Variants in ZDHHC1 observed in about 807,000 individuals in gnomAD.
ZDHHC1 encodes palmitoyltransferase ZDHHC1.
In ZDHHC1, 45 loss-of-function variants were observed where a neutral mutation model predicts 46.9. That is an observed-to-expected ratio of 0.96 (90% confidence interval 0.76 to 1.23). The LOEUF (loss-of-function observed/expected upper bound fraction) is 1.23, where lower values mean the gene tolerates loss of function less well. Ranked by LOEUF, ZDHHC1 falls within the 50% of genes most tolerant of loss-of-function variation. ZDHHC1 has a pLI of 0.00. For missense variants in ZDHHC1, 649 were observed against 670.8 expected (o/e 0.97, Z 0.36); for synonymous variants, 291 against 286.0 (o/e 1.02, Z -0.18).
At chr16:67,403,760 G>A (rs1199454721) in intron 3 of ZDHHC1, among the ~76,000 whole-genome samples, 4 of 152,086 alleles carry the variant, frequency 2.6e-5, no homozygotes, top group Middle Eastern at 3.2e-3. Context: ...GATTGCAGGC[G>A]TGTGCCACCA....
chr16:67,414,525 C>A (rs186963552), intron 1 of ZDHHC1, among the ~76,000 whole-genome samples: 2 of 152,336 alleles, frequency 1.3e-5, no homozygotes, highest in African/African-American at 4.8e-5. Context: ...ATGATAATAA[C>A]CAACACCAGC....
Position 67,394,645 on chromosome 16 carries a change from T to C in ZDHHC1, c.1414A>G (p.Arg472Gly), listed in dbSNP as rs2040379967. 10 of 1,213,430 alleles carry C rather than the reference T, an allele frequency of 8.2e-6. No individual in the cohort carries two copies. The highest frequency in any genetic ancestry group is 1.0e-5 in the Non-Finnish European group (10 of 977,318). 75.2% of individuals were successfully genotyped at this position (1,213,430 alleles called of 1,614,324 possible). A position where few individuals can be genotyped will look rare whatever the true frequency, so the allele number is the denominator to read the frequency against. The change falls in exon 12 of 12, where the codon AGG becomes GGG. Residue 472 changes from arginine to glycine, a missense_variant. Arg to Gly is a moderately radical substitution (Grantham distance 125, BLOSUM62 -2). Coordinates refer to ENST00000565726, the MANE Select transcript of ZDHHC1 (RefSeq NM_001323627.2). ...VFVSPSSGEP[R>G]APGGREAGLA is the part of the protein sequence containing the mutation. ...CCAGCCTCCCGGCCGCCCGGCGCCCTGGGCTCGCCGCTGCTCGGGCTCACG... is the reference window on the plus strand; with the variant it reads ...CCAGCCTCCCGGCCGCCCGGCGCCCCGGGCTCGCCGCTGCTCGGGCTCACG...
chr16:67,394,704 G>A lies in ZDHHC1; in HGVS notation c.1355C>T (p.Thr452Met), dbSNP rs939722581. 3.3e-5 allele frequency: 44 copies of A among 1,329,716 alleles called. No homozygotes were observed. In the Admixed American group the frequency reaches 8.6e-4, roughly 26 times the overall value. The allele number at this position is 1,329,716 out of a possible 1,614,324, so 82.4% of individuals were successfully genotyped here. A position where few individuals can be genotyped will look rare whatever the true frequency, so the allele number is the denominator to read the frequency against. Reference protein sequence around the residue: ...AAPRGRGRQPTLARQARAPAV... With the variant: ...AAPRGRGRQPMLARQARAPAV... ...GGGCGCACGCGCCTGCCGCGCCAGC[G>A]TGGGCTGTCGGCCCCGGCCCCGCGG... The change falls in exon 12 of 12, where the codon ACG becomes ATG. Residue 452 changes from threonine to methionine, a missense_variant. Thr to Met is a moderately conservative substitution (Grantham distance 81). Coordinates refer to ENST00000565726, the MANE Select transcript of ZDHHC1 (RefSeq NM_001323627.2).
In ZDHHC1 at chr16:67,401,920, A is replaced by C. The variant is rs2040560011; in HGVS notation, c.253-788T>G. The stretch of plus-strand genomic sequence containing the variant: ...CATCCACTCTCCCTCCCTTGATCAC[A>C]CCCACTTCAGCCCAAAATTCCACTG... On this transcript the variant is annotated intron_variant, in intron 3 of 11. Coordinates refer to ENST00000565726, the MANE Select transcript of ZDHHC1 (RefSeq NM_001323627.2). The surrounding 1 kb of genome is among the most constrained non-coding windows in gnomAD (Gnocchi z 4.6). Among the ~76,000 whole-genome samples, 1 of 152,116 alleles carries C rather than the reference A, an allele frequency of 6.6e-6. No homozygotes were observed. The highest frequency in any genetic ancestry group is 1.5e-5 in the Non-Finnish European group (1 of 67,992).
At chr16:67,396,966 C>G (rs1158269223) in intron 8 of ZDHHC1, among the ~76,000 whole-genome samples, 1 of 152,210 alleles carries the variant, frequency 6.6e-6, no homozygotes, top group Non-Finnish European at 1.5e-5. Context: ...AGTCCCCACT[C>G]AGAGCCCTGT....
Position 67,401,409 on chromosome 16 carries a change from C to T in ZDHHC1, c.253-277G>A, listed in dbSNP as rs1174208100. On this transcript the variant is annotated intron_variant, in intron 3 of 11. Transcript: ENST00000565726. The surrounding 1 kb of genome is among the most constrained non-coding windows in gnomAD (Gnocchi z 4.6). ...CACCTAGGTGCCCAATCGCAGGGTCCTGGCCTCACTGCTCCAGGCCTGGTG... is the reference window on the plus strand; with the variant it reads ...CACCTAGGTGCCCAATCGCAGGGTCTTGGCCTCACTGCTCCAGGCCTGGTG... 2.0e-5 allele frequency among the ~76,000 whole-genome samples: 3 copies of T among 152,260 alleles called. No homozygotes were observed. Among genetic ancestry groups the T allele is most frequent in the African/African-American group, 7.2e-5 (3 of 41,466 alleles).
chr16:67,402,704 G>A (rs2040576063), intron 3 of ZDHHC1, among the ~76,000 whole-genome samples: 1 of 151,496 alleles, frequency 6.6e-6, no homozygotes, highest in Non-Finnish European at 1.5e-5. Context: ...TTGGCTCACT[G>A]CAACCTCTGC....
At chr16:67,405,345 C>T (rs1430085483) in intron 3 of ZDHHC1, among the ~76,000 whole-genome samples, 1 of 152,218 alleles carries the variant, frequency 6.6e-6, no homozygotes, top group African/African-American at 2.4e-5. Flanking sequence ...TGCTCGGTCC[C>T]GTGCAGCTCT....
In ZDHHC1 at chr16:67,395,246, C is replaced by G. The variant is rs1339498519; in HGVS notation, c.1045G>C (p.Glu349Gln). Reference protein sequence around the residue: ...SQFLATRGQAEPPPPSSPDTL... With the variant: ...SQFLATRGQAQPPPPSSPDTL... ...TCTGGGGAAGAGGGTGGTGGAGGTTCCGCTTGGCCACGGGTGGCAAGAAAC... is the reference window on the plus strand; with the variant it reads ...TCTGGGGAAGAGGGTGGTGGAGGTTGCGCTTGGCCACGGGTGGCAAGAAAC... The change falls in exon 10 of 12, where the codon GAA (glutamate) becomes CAA (glutamine). Residue 349 changes from glutamate (E) to glutamine (Q), a missense_variant. Glu to Gln is a conservative substitution (Grantham distance 29). Coordinates refer to ENST00000565726, the MANE Select transcript of ZDHHC1 (RefSeq NM_001323627.2). 6.3e-7 allele frequency: 1 copy of G among 1,591,044 alleles called. No homozygotes were observed. The highest frequency in any genetic ancestry group is 8.6e-7 in the Non-Finnish European group (1 of 1,168,182).
Position 67,398,863 on chromosome 16 carries a change from G to C in ZDHHC1, c.612C>G (p.Phe204Leu), listed in dbSNP as rs533426749. The C allele has an allele frequency of 3.7e-6, 6 of 1,612,964 alleles. No homozygotes were observed. The Admixed American group carries it at 5.0e-5, about 13-fold the overall frequency. The change falls in exon 6 of 12, where the codon TTC (phenylalanine) becomes TTG (leucine). Residue 204 changes from phenylalanine (F) to leucine (L), a missense_variant. By Grantham distance (22) the Phe-to-Leu change is conservative. Transcript: ENST00000565726. Reference sequence around the variant, plus strand: ...TGCGCAGACGCATGGGGTTGACAAAGAACTCCACGAAGACATATGTGGCCA... The same window carrying C: ...TGCGCAGACGCATGGGGTTGACAAACAACTCCACGAAGACATATGTGGCCA... The part of the protein sequence containing the change: ...VLVATYVFVE[F>L]FVNPMRLRTN...
chr16:67,395,574 A>G lies in ZDHHC1; in HGVS notation c.928-8T>C. ...CATGTAGAACTCCATCTCCTGGGGA[A>G]GGTGGAAGTCAAGGAGGCTGGGAGG... On this transcript the variant is annotated splice_polypyrimidine_tract_variant and splice_region_variant and intron_variant, in intron 8 of 11. Coordinates refer to ENST00000565726, the MANE Select transcript of ZDHHC1 (RefSeq NM_001323627.2). 6.4e-7 allele frequency: 1 copy of G among 1,552,004 alleles called. No homozygotes were observed. Among genetic ancestry groups the G allele is most frequent in the Non-Finnish European group, 8.7e-7 (1 of 1,147,256 alleles).
intron 10 of ZDHHC1, 22 bp from the exon 11 acceptor site, chr16:67,395,084 T>C (rs753027721): frequency 2.5e-6 from 4 of 1,613,230 alleles, no homozygotes; most frequent in Non-Finnish European, 3.4e-6. Flanking sequence ...CGGGGGAGCC[T>C]GAGGGCCCCA....
At chr16:67,396,027 C>G (rs1031231105) in intron 8 of ZDHHC1, 6 of 160,274 alleles carry the variant, frequency 3.7e-5, no homozygotes, top group Admixed American at 2.4e-4. Flanking sequence ...GAGGACCAGC[C>G]ACGATCCAGG....
At chr16:67,397,495 T>C (rs576980545) in intron 8 of ZDHHC1, among the ~76,000 whole-genome samples, 5 of 152,172 alleles carry the variant, frequency 3.3e-5, no homozygotes, top group Non-Finnish European at 7.4e-5. Flanking sequence ...GGTGGGGTCC[T>C]AGGCCCTCCC....
intron 8 of ZDHHC1, among the ~76,000 whole-genome samples, chr16:67,397,979 G>A (rs1037314553): frequency 5.9e-5 from 9 of 152,138 alleles, no homozygotes; most frequent in African/African-American, 1.9e-4. Flanking sequence ...ATGCCCTCCC[G>A]CGCATGCTTG....
In ZDHHC1 at chr16:67,395,040, T is replaced by G; in HGVS notation, c.1127A>C (p.Tyr376Ser). 1 of 1,613,092 alleles carries G rather than the reference T, an allele frequency of 6.2e-7. No individual in the cohort carries two copies. The highest frequency in any genetic ancestry group is 8.5e-7 in the Non-Finnish European group (1 of 1,179,814). The change falls in exon 11 of 12, where the codon TAT becomes TCT. Residue 376 changes from tyrosine (Y) to serine (S), a missense_variant. By Grantham distance (144) the Tyr-to-Ser change is moderately radical. Coordinates refer to ENST00000565726, the MANE Select transcript of ZDHHC1 (RefSeq NM_001323627.2). ...CGAGGTCTCAGACGTTCGCACTTTA[T>G]ACACGCGCCTCTTCCTCTTTTTCTG... is the stretch of plus-strand genomic sequence containing the variant. ...RPQKKRKRRV[Y>S]KVRTSETSDP...
intron 1 of ZDHHC1, among the ~76,000 whole-genome samples, chr16:67,415,064 G>A (rs185196402): frequency 2.0e-5 from 3 of 152,362 alleles, no homozygotes; most frequent in East Asian, 1.9e-4. Flanking sequence ...GAACCCGGGA[G>A]GTGGAGGTTG....
chr16:67,397,151 G>A (rs1174027154), intron 8 of ZDHHC1, among the ~76,000 whole-genome samples: 2 of 152,262 alleles, frequency 1.3e-5, no homozygotes, highest in African/African-American at 4.8e-5. Context: ...GGACAGAACA[G>A]AAATTAAATG....
rs1303084667 is a variant in ZDHHC1, at chr16:67,401,357, C to T, written c.253-225G>A. ...AGAGGCCATCTAGGAAAGGAGTCCACAGCCAGCCAGCAGTGCCTGCTGTCG... is the reference window on the plus strand; with the variant it reads ...AGAGGCCATCTAGGAAAGGAGTCCATAGCCAGCCAGCAGTGCCTGCTGTCG... On this transcript the variant is annotated intron_variant, in intron 3 of 11. Transcript: ENST00000565726. This position sits in a 1 kb window ranked among gnomAD's most constrained non-coding sequence, Gnocchi z 4.6. Among the ~76,000 whole-genome samples, 1 of 152,240 alleles carries T rather than the reference C, an allele frequency of 6.6e-6. No homozygotes were observed. Among genetic ancestry groups the T allele is most frequent in the Non-Finnish European group, 1.5e-5 (1 of 68,044 alleles).
Sources: gnomAD v4.1 joint callset for allele counts (sites outside exome capture counted in the v4.1 genomes callset) on GRCh38, gnomAD v4.1.1 for gene constraint, Gnocchi (gnomAD v3.1) non-coding constraint, MANE v1.5 for transcripts, NCBI Gene and HGNC (gene_info 2026-07-23, HGNC 2026-07-21) for gene names.